INSC: variants seen among roughly 807,000 people sequenced by gnomAD.
The protein encoded by INSC is INSC spindle orientation adaptor protein, also known as protein inscuteable homolog.
A neutral mutation model predicts 58.6 loss-of-function variants in INSC; 67 were observed. The observed-to-expected ratio is 1.14, with a 90% CI of 0.94 to 1.40. INSC has a LOEUF of 1.40. Among genes scored for constraint, INSC ranks in the 40% most tolerant of loss-of-function variants. The pLI, the probability that INSC is intolerant of heterozygous loss-of-function variation, is 0.00. For synonymous variants in INSC, 262 were observed against 276.1 expected, an observed-to-expected ratio of 0.95 and a Z score of 0.51; for missense variants, 714 against 692.0, an observed-to-expected ratio of 1.03 and a Z score of -0.36.
intron 6 of INSC, among the ~76,000 whole-genome samples, chr11:15,196,575 G>T (rs1253347934): frequency 2.6e-5 from 4 of 152,194 alleles, no homozygotes; most frequent in Non-Finnish European, 5.9e-5. Context: ...CTGGGTATGA[G>T]GCTGGTGGAG....
chr11:15,130,194 A>C (rs1191020558), intron 1 of INSC, among the ~76,000 whole-genome samples: 2 of 152,218 alleles, frequency 1.3e-5, no homozygotes, highest in Non-Finnish European at 2.9e-5. Context: ...TTCATTCAAC[A>C]TGTCATCAAG....
At chr11:15,217,996 C>T (rs543721279) in intron 7 of INSC, among the ~76,000 whole-genome samples, 38 of 152,240 alleles carry the variant, frequency 2.5e-4, no homozygotes, top group African/African-American at 8.4e-4. Context: ...CCTAAAGATG[C>T]GGAAACACTT....
chr11:15,166,849 G>A (rs1219457799), intron 2 of INSC, among the ~76,000 whole-genome samples: 1 of 152,152 alleles, frequency 6.6e-6, no homozygotes, highest in Admixed American at 6.5e-5. Context: ...CACAGTCTCT[G>A]GAGCCAGGCT....
intron 7 of INSC, among the ~76,000 whole-genome samples, chr11:15,217,737 G>T (rs1238088777): frequency 1.3e-5 from 2 of 152,198 alleles, no homozygotes; most frequent in African/African-American, 4.8e-5. Context: ...GATCCAACTT[G>T]CAAAAAACAA....
chr11:15,129,679 A>G (rs1355192097), intron 1 of INSC, among the ~76,000 whole-genome samples: 1 of 152,174 alleles, frequency 6.6e-6, no homozygotes, highest in African/African-American at 2.4e-5. Flanking sequence ...TACTCTGTTT[A>G]TGCTGGTATC....
At chr11:15,188,502 G>A (rs185732151) in intron 5 of INSC, among the ~76,000 whole-genome samples, 13 of 152,280 alleles carry the variant, frequency 8.5e-5, no homozygotes, top group African/African-American at 1.2e-4. Context: ...GATGATTTCC[G>A]AGGTCCTTTC....
At chr11:15,250,009 C>A (rs1038639198), downstream of INSC, among the ~76,000 whole-genome samples, 5 of 152,306 alleles carry the variant, frequency 3.3e-5, no homozygotes, top group South Asian at 2.1e-4. Context: ...ATACACATTG[C>A]CTGAAATCTT....
chr11:15,233,080 A>T (rs1161433604), intron 9 of INSC, among the ~76,000 whole-genome samples: 1 of 152,176 alleles, frequency 6.6e-6, no homozygotes, highest in African/African-American at 2.4e-5. Context: ...GGCCAAGATC[A>T]TAGCAAAATG....
In INSC at chr11:15,246,091, A is replaced by C. The variant is rs372394928; in HGVS notation, c.*51A>C. The C allele has an allele frequency of 1.4e-4, 217 of 1,607,404 alleles. No homozygotes were observed. Among genetic ancestry groups the C allele is most frequent in the Middle Eastern group, 8.3e-4 (5 of 6,042 alleles). On this transcript the variant is annotated 3_prime_UTR_variant, in exon 13 of 13. Coordinates refer to ENST00000379556, the MANE Select transcript of INSC (RefSeq NM_001042536.3). Reference sequence around the variant, plus strand: ...GGCTGTTCTCACACCCCCTCTGACTATGCACCAGTGAACACATCTGAGTAC... The same window carrying C: ...GGCTGTTCTCACACCCCCTCTGACTCTGCACCAGTGAACACATCTGAGTAC...
chr11:15,206,513 G>T (rs1355901976), intron 7 of INSC, among the ~76,000 whole-genome samples: 1 of 152,158 alleles, frequency 6.6e-6, no homozygotes, highest in African/African-American at 2.4e-5. Context: ...CCTCACTTGG[G>T]AGAAGACTAG....
chr11:15,218,932 T>A (rs1465681325), intron 7 of INSC, among the ~76,000 whole-genome samples: 1 of 152,214 alleles, frequency 6.6e-6, no homozygotes, highest in Non-Finnish European at 1.5e-5. Context: ...TACTTTATTG[T>A]ACTTATTTCC....
Position 15,247,033 on chromosome 11 carries a change from T to TG in INSC, c.*993_*994insG, listed in dbSNP as rs1277075085. ...CTATAAAGCACAGCTTTCGCTTTTTTTTTTTTTAGAGAGAGCTGGTTTACC... is the reference window on the plus strand; with the variant it reads ...CTATAAAGCACAGCTTTCGCTTTTTTGTTTTTTTAGAGAGAGCTGGTTTACC... On this transcript the variant is annotated 3_prime_UTR_variant, in exon 13 of 13. Coordinates refer to ENST00000379556, the MANE Select transcript of INSC (RefSeq NM_001042536.3). 3.3e-5 allele frequency: 5 copies of TG among 152,042 alleles called. No individual in the cohort carries two copies. Among genetic ancestry groups the TG allele is most frequent in the African/African-American group, 1.2e-4 (5 of 41,318 alleles). 9.4% of individuals were successfully genotyped at this position (152,042 alleles called of 1,614,324 possible).
chr11:15,162,640 C>T (rs1256511123), intron 2 of INSC, among the ~76,000 whole-genome samples: 1 of 152,152 alleles, frequency 6.6e-6, no homozygotes, highest in Non-Finnish European at 1.5e-5. Flanking sequence ...CTGGAATGTT[C>T]GTTCGTTTTG....
chr11:15,166,932 A>C (rs1225477263), intron 2 of INSC, among the ~76,000 whole-genome samples: 2 of 152,180 alleles, frequency 1.3e-5, no homozygotes, highest in Non-Finnish European at 2.9e-5. Flanking sequence ...TGTAACATGG[A>C]GTGAATAAGA....
the INSC span, among the ~76,000 whole-genome samples, chr11:15,259,130 G>A: frequency 2.6e-5 from 4 of 152,130 alleles, no homozygotes; most frequent in Admixed American, 2.6e-4. Context: ...CTGGATCTGT[G>A]GGGGAGTCTG....
At chr11:15,139,003 T>C (rs1848309870) in intron 1 of INSC, among the ~76,000 whole-genome samples, 1 of 152,222 alleles carries the variant, frequency 6.6e-6, no homozygotes, top group Non-Finnish European at 1.5e-5. Flanking sequence ...TTATCATGGT[T>C]GTTGATGCAA....
downstream of INSC, among the ~76,000 whole-genome samples, chr11:15,250,097 C>T (rs1183710109): frequency 6.6e-6 from 1 of 152,192 alleles, no homozygotes; most frequent in Non-Finnish European, 1.5e-5. Context: ...GTAGAGTCTA[C>T]ATCTATATAC....
At chr11:15,149,475 T>C (rs116255452) in intron 2 of INSC, among the ~76,000 whole-genome samples, 2,746 of 152,328 alleles carry the variant, frequency 0.018, 85 homozygotes, top group African/African-American at 0.062. Flanking sequence ...ATGCTGAGGC[T>C]GACCATGAAA....
rs904641251 is a variant in INSC at position 15,216,016 on chromosome 11, T to C, written c.820-5461T>C. Among the ~76,000 whole-genome samples, 9 of 152,336 alleles carry C rather than the reference T, an allele frequency of 5.9e-5. No homozygotes were observed. In the South Asian group the frequency reaches 1.7e-3, roughly 28 times the overall value. On this transcript the variant is annotated intron_variant, in intron 7 of 12. Transcript: ENST00000379556. ...AAAATGATAAGATAGCAGTTTGGAA[T>C]GTAGACGTGGATCTCAGAAAAGAGG...
Sources: allele counts gnomAD v4.1 joint callset (sites outside exome capture counted in the v4.1 genomes callset), GRCh38; gene constraint gnomAD v4.1.1; transcripts MANE v1.5; gene names NCBI Gene and HGNC (gene_info 2026-07-23, HGNC 2026-07-21).